The following SNX29 variants were observed in gnomAD, a reference collection of about 807,000 sequenced individuals.
SNX29 encodes sorting nexin 29.
A neutral mutation model predicts 102.1 loss-of-function variants in SNX29; 78 were observed. The observed-to-expected ratio is 0.76, with a 90% CI of 0.64 to 0.92. The LOEUF (loss-of-function observed/expected upper bound fraction) is 0.92. SNX29 is among the 40% of genes least tolerant of loss of function. SNX29 has a pLI of 0.00. For synonymous variants in SNX29, 580 were observed against 414.5 expected (o/e 1.40, Z -4.85); for missense variants, 1,280 against 1,061.7 (o/e 1.21, Z -2.86).
At chr16:12,542,332 CAAGAGA>C (rs1248324197) in intron 20 of SNX29, among the ~76,000 whole-genome samples, 3 of 152,224 alleles carry the variant, frequency 2.0e-5, no homozygotes, top group Non-Finnish European at 2.9e-5. Flanking sequence ...GCTGTTAGAG[CAAGAGA>C]TTGTCTCAAA....
rs1290561813 is a variant in SNX29 at position 12,496,492 on chromosome 16, C to T, written c.2178+18633C>T. On this transcript the variant is annotated intron_variant, in intron 19 of 20. Transcript: ENST00000566228. ...CCAGCCTGCCCTGCTTCTCACACCT[C>T]CTTGGCTCTCATGGCTTTTTTTTTT... Among the ~76,000 whole-genome samples, 3 of 149,142 alleles carry T rather than the reference C, an allele frequency of 2.0e-5. No individual in the cohort carries two copies. In the East Asian group the frequency reaches 5.9e-4, roughly 29 times the overall value.
At chr16:12,249,087 G>A (rs1238152205) in intron 14 of SNX29, among the ~76,000 whole-genome samples, 1 of 152,128 alleles carries the variant, frequency 6.6e-6, no homozygotes, top group South Asian at 2.1e-4. Flanking sequence ...AAACAACTCC[G>A]ATTTTGGTTA....
intron 20 of SNX29, among the ~76,000 whole-genome samples, chr16:12,541,002 C>G (rs548170568): frequency 1.3e-5 from 2 of 152,134 alleles, no homozygotes; most frequent in African/African-American, 2.4e-5. Flanking sequence ...GAGCTCACTG[C>G]GGGTTTCCTG....
intron 18 of SNX29, among the ~76,000 whole-genome samples, chr16:12,414,406 G>A (rs898820901): frequency 5.3e-5 from 8 of 152,148 alleles, no homozygotes; most frequent in Non-Finnish European, 1.2e-4. Context: ...AGAGGTGTTT[G>A]GAAATCATCC....
At chr16:12,303,470 C>T (rs904329449) in intron 15 of SNX29, among the ~76,000 whole-genome samples, 1 of 151,994 alleles carries the variant, frequency 6.6e-6, no homozygotes, top group African/African-American at 2.4e-5. Context: ...TTGTGTGGCT[C>T]GAAGAAAGCG....
intron 19 of SNX29, among the ~76,000 whole-genome samples, chr16:12,502,126 C>G (rs547004906): frequency 4.6e-4 from 70 of 152,170 alleles, no homozygotes; most frequent in Non-Finnish European, 8.2e-4. Flanking sequence ...CATGCTCCGT[C>G]CAGATGTGCG....
At chr16:12,495,962 C>A (rs61468593) in intron 19 of SNX29, among the ~76,000 whole-genome samples, 4 of 152,016 alleles carry the variant, frequency 2.6e-5, no homozygotes, top group Non-Finnish European at 5.9e-5. Flanking sequence ...GCAGTAGAAT[C>A]TCATGAACTC....
At chr16:12,421,933 G>A (rs1558809) in intron 18 of SNX29, among the ~76,000 whole-genome samples, 58 of 62,728 alleles carry the variant, frequency 9.2e-4, no homozygotes, top group African/African-American at 1.9e-3. Flanking sequence ...ATCATCATCC[G>A]TCCATCATCC....
At chr16:12,083,740 G>A (rs913656113) in intron 11 of SNX29, among the ~76,000 whole-genome samples, 8 of 152,184 alleles carry the variant, frequency 5.3e-5, no homozygotes, top group African/African-American at 1.9e-4. Flanking sequence ...CTCCTCTAGA[G>A]CAGTCACTGG....
intron 4 of SNX29, chr16:12,027,663 C>A: frequency 2.1e-6 from 1 of 472,904 alleles, no homozygotes; most frequent in Non-Finnish European, 3.7e-6. Context: ...ATTCTCAGAG[C>A]CACATGGTAC....
chr16:12,500,963 C>G (rs1279724452), intron 19 of SNX29, among the ~76,000 whole-genome samples: 1 of 152,200 alleles, frequency 6.6e-6, no homozygotes, highest in East Asian at 1.9e-4. Context: ...CCACGCCTGT[C>G]ATGGGCAGAG....
chr16:12,002,923 G>A lies in SNX29; in HGVS notation c.70-68G>A. On this transcript the variant is annotated intron_variant, in intron 2 of 20. Coordinates refer to ENST00000566228, the MANE Select transcript of SNX29 (RefSeq NM_032167.5). ...CTCCCTGACCCTTAAGCCCTGTGTA[G>A]GCTGTTTTATGACGTTTTGAGTGTC... 4 of 1,589,526 alleles carry A rather than the reference G, an allele frequency of 2.5e-6. No homozygotes were observed. In the South Asian group the frequency reaches 4.4e-5, roughly 18 times the overall value.
chr16:12,242,490 C>T (rs952746103), intron 14 of SNX29, among the ~76,000 whole-genome samples: 9 of 150,924 alleles, frequency 6.0e-5, no homozygotes, highest in African/African-American at 1.2e-4. Context: ...TGTGAGTGGT[C>T]GGAGAATTAG....
chr16:12,037,946 C>A (rs1282841000), intron 4 of SNX29, among the ~76,000 whole-genome samples: 3 of 150,970 alleles, frequency 2.0e-5, no homozygotes, highest in Non-Finnish European at 1.5e-5. Context: ...CAGAGTGAGA[C>A]CTTGTCCCCA....
chr16:12,510,518 C>T (rs928473718), intron 19 of SNX29, among the ~76,000 whole-genome samples: 1 of 152,034 alleles, frequency 6.6e-6, no homozygotes, highest in Admixed American at 6.6e-5. Context: ...ACTAAAAAGA[C>T]AAAAATTAGC....
At chr16:12,278,548 G>A (rs1278967662) in intron 15 of SNX29, among the ~76,000 whole-genome samples, 1 of 152,118 alleles carries the variant, frequency 6.6e-6, no homozygotes, top group African/African-American at 2.4e-5. Flanking sequence ...AAGACAGCAA[G>A]CCTAGAGGGT....
At chr16:12,263,793 G>T (rs1401029535) in intron 14 of SNX29, among the ~76,000 whole-genome samples, 6 of 152,204 alleles carry the variant, frequency 3.9e-5, no homozygotes, top group Non-Finnish European at 8.8e-5. Flanking sequence ...AGTTTTTACA[G>T]TCAGGCTCAA....
chr16:12,558,551 C>T (rs1037607025), intron 20 of SNX29, among the ~76,000 whole-genome samples: 2 of 152,224 alleles, frequency 1.3e-5, no homozygotes, highest in African/African-American at 4.8e-5. Flanking sequence ...AGTGCCATGC[C>T]TCTCAGTACC....
chr16:12,312,235 T>C (rs2080579876), intron 15 of SNX29, among the ~76,000 whole-genome samples: 1 of 152,208 alleles, frequency 6.6e-6, no homozygotes, highest in Non-Finnish European at 1.5e-5. Flanking sequence ...TGAATGAATG[T>C]CCCCATCCCA....
Sources: gnomAD v4.1 joint callset for allele counts (sites outside exome capture counted in the v4.1 genomes callset) on GRCh38, gnomAD v4.1.1 for gene constraint, MANE v1.5 for transcripts, NCBI Gene and HGNC (gene_info 2026-07-23, HGNC 2026-07-21) for gene names.